The following SCFD2 variants were observed in gnomAD, a reference collection of about 807,000 sequenced individuals.
The protein encoded by SCFD2 is sec1 family domain-containing protein 2.
A neutral mutation model predicts 58.9 loss-of-function variants in SCFD2; 54 were observed. The observed-to-expected ratio is 0.92, with a 90% CI of 0.74 to 1.15. SCFD2 has a LOEUF of 1.15. SCFD2 is among the 50% of genes most tolerant of loss of function. The pLI is 0.00. For missense variants in SCFD2, 805 were observed against 836.6 expected (o/e 0.96, Z 0.47); for synonymous variants, 321 against 335.9 (o/e 0.96, Z 0.49).
chr4:52,982,342 T>C (rs1045884438), intron 5 of SCFD2, among the ~76,000 whole-genome samples: 1 of 152,212 alleles, frequency 6.6e-6, no homozygotes, highest in African/African-American at 2.4e-5. Flanking sequence ...TAATGAATGG[T>C]AGACACATTT....
intron 8 of SCFD2, among the ~76,000 whole-genome samples, chr4:52,875,418 G>A (rs1257755016): frequency 6.8e-6 from 1 of 148,062 alleles, no homozygotes; most frequent in East Asian, 2.0e-4. Flanking sequence ...GGTGACTATG[G>A]GAAAAGCTGT....
At chr4:53,230,511 C>T (rs144911443) in intron 4 of SCFD2, among the ~76,000 whole-genome samples, 5,427 of 151,520 alleles carry the variant, frequency 0.036, 167 homozygotes, top group Non-Finnish European at 0.053. Context: ...TCTCAGCAAA[C>T]TATCGCAAGG....
At chr4:53,244,566 C>T (rs1730002914) in intron 4 of SCFD2, among the ~76,000 whole-genome samples, 1 of 152,020 alleles carries the variant, frequency 6.6e-6, no homozygotes, top group Admixed American at 6.6e-5. Context: ...ATACAACATA[C>T]CAGAATCTGT....
In SCFD2 at chr4:53,332,277, G is replaced by A. The variant is rs572132713; in HGVS notation, c.1008-18514C>T. ...CCAGCATCATTCTGATACCAAAGCCGGGCAGAGACACAACCAAAAAAGAGA... is the reference window on the plus strand; with the variant it reads ...CCAGCATCATTCTGATACCAAAGCCAGGCAGAGACACAACCAAAAAAGAGA... On this transcript the variant is annotated intron_variant, in intron 2 of 8. Coordinates refer to ENST00000401642, the MANE Select transcript of SCFD2 (RefSeq NM_152540.4). Among the ~76,000 whole-genome samples the A allele has an allele frequency of 6.3e-3, 957 of 151,262 alleles. 14 individuals carry two copies. The highest frequency in any genetic ancestry group is 0.022 in the African/African-American group (886 of 41,084).
intron 4 of SCFD2, among the ~76,000 whole-genome samples, chr4:53,180,651 C>A (rs1196937493): frequency 1.3e-5 from 2 of 152,110 alleles, no homozygotes; most frequent in Non-Finnish European, 2.9e-5. Context: ...TAACTAAGAT[C>A]AGAGTAGAAC....
chr4:53,124,619 G>A (rs1233579492), intron 5 of SCFD2, among the ~76,000 whole-genome samples: 1 of 152,120 alleles, frequency 6.6e-6, no homozygotes, highest in Non-Finnish European at 1.5e-5. Context: ...GTTTTATAAA[G>A]AAAGAATATT....
At chr4:53,254,929 G>T in intron 4 of SCFD2, among the ~76,000 whole-genome samples, 1 of 149,282 alleles carries the variant, frequency 6.7e-6, no homozygotes, top group East Asian at 2.0e-4. Flanking sequence ...CTGGAGTGCA[G>T]TGGCGCAATC....
chr4:53,212,213 C>G (rs1217448916), intron 4 of SCFD2, among the ~76,000 whole-genome samples: 1 of 151,992 alleles, frequency 6.6e-6, no homozygotes, highest in East Asian at 1.9e-4. Context: ...CCCTCAAAAT[C>G]AAACGCTCCT....
At chr4:52,903,179 A>G (rs951634399) in intron 7 of SCFD2, among the ~76,000 whole-genome samples, 5 of 152,176 alleles carry the variant, frequency 3.3e-5, no homozygotes, top group African/African-American at 9.6e-5. Context: ...AGACTTGCAC[A>G]CTGTCAGCGT....
At chr4:53,175,451 T>C (rs1481733695) in intron 4 of SCFD2, among the ~76,000 whole-genome samples, 4 of 152,224 alleles carry the variant, frequency 2.6e-5, no homozygotes, top group Non-Finnish European at 4.4e-5. Flanking sequence ...AGTAATTCAA[T>C]GAGTTCATAT....
At position 53,207,505 on chromosome 4, in the gene SCFD2, AT is replaced by A. The variant is rs1214304033; in HGVS notation, c.1312-61924del. The stretch of plus-strand genomic sequence containing the variant: ...TTATATATATATTTCATATATATAT[AT>A]TATATATATTATATATATAATATTT... On this transcript the variant is annotated intron_variant, in intron 4 of 8. Coordinates refer to ENST00000401642, the MANE Select transcript of SCFD2 (RefSeq NM_152540.4). 3.2e-4 allele frequency among the ~76,000 whole-genome samples: 4 copies of A among 12,316 alleles called. 1 individual carries two copies. Among genetic ancestry groups the A allele is most frequent in the African/African-American group, 7.0e-4 (2 of 2,870 alleles). The allele number at this position is 12,316 out of a possible 152,430, so 8.1% of individuals were successfully genotyped here.
At chr4:53,080,154 C>T (rs1344099210) in intron 5 of SCFD2, among the ~76,000 whole-genome samples, 9 of 152,270 alleles carry the variant, frequency 5.9e-5, no homozygotes, top group Middle Eastern at 6.8e-3. Context: ...TTAACAATTG[C>T]TTCTTAGTCT....
At chr4:52,980,048 T>C (rs1407328491) in intron 5 of SCFD2, among the ~76,000 whole-genome samples, 1 of 152,182 alleles carries the variant, frequency 6.6e-6, no homozygotes, top group African/African-American at 2.4e-5. Context: ...AAGTGAATGG[T>C]GCCCCTTGGG....
intron 5 of SCFD2, among the ~76,000 whole-genome samples, chr4:53,098,844 G>C (rs911723241): frequency 5.3e-5 from 8 of 151,842 alleles, no homozygotes; most frequent in African/African-American, 1.9e-4. Context: ...ACCACTATAT[G>C]ATTATTTTTT....
chr4:53,248,504 T>C (rs1417262504), intron 4 of SCFD2, among the ~76,000 whole-genome samples: 3 of 152,220 alleles, frequency 2.0e-5, no homozygotes, highest in Non-Finnish European at 4.4e-5. Flanking sequence ...CAGTAACCTC[T>C]GCAGACTTAA....
At chr4:53,166,897 A>G (rs2148932710) in intron 4 of SCFD2, among the ~76,000 whole-genome samples, 1 of 152,154 alleles carries the variant, frequency 6.6e-6, no homozygotes, top group Non-Finnish European at 1.5e-5. Context: ...ATAACAAGAT[A>G]AAGCATTTGG....
intron 5 of SCFD2, among the ~76,000 whole-genome samples, chr4:53,054,411 C>G (rs1335253734): frequency 6.6e-6 from 1 of 152,158 alleles, no homozygotes; most frequent in Admixed American, 6.5e-5. Context: ...TTGTATTAAT[C>G]AGCTCTATAC....
intron 2 of SCFD2, among the ~76,000 whole-genome samples, chr4:53,330,716 T>C (rs889839620): frequency 4.0e-5 from 6 of 151,830 alleles, no homozygotes; most frequent in African/African-American, 7.3e-5. Context: ...GCTAACATCA[T>C]AATGACAGGA....
chr4:53,077,674 G>T (rs370447301), intron 5 of SCFD2, among the ~76,000 whole-genome samples: 2 of 152,116 alleles, frequency 1.3e-5, no homozygotes, highest in African/African-American at 4.8e-5. Context: ...CCGACCTCAG[G>T]TGATCCACCC....
Sources: gnomAD v4.1 joint callset for allele counts (sites outside exome capture counted in the v4.1 genomes callset) on GRCh38, gnomAD v4.1.1 for gene constraint, MANE v1.5 for transcripts, NCBI Gene and HGNC (gene_info 2026-07-23, HGNC 2026-07-21) for gene names.